Variants in BRD10 observed in about 807,000 individuals in gnomAD.
BRD10 encodes uncharacterized bromodomain-containing protein 10.
At chr9:5,896,314 C>G in the BRD10 span, among the ~76,000 whole-genome samples, 9 of 152,204 alleles carry the variant, frequency 5.9e-5, no homozygotes, top group Non-Finnish European at 1.3e-4. Context: ...GAATGGTAGT[C>G]ACTATGGTTA....
At chr9:5,929,035 T>G in the BRD10 span, 2 of 1,436,400 alleles carry the variant, frequency 1.4e-6, no homozygotes, top group African/African-American at 2.8e-5. Flanking sequence ...ATTATAACAT[T>G]AAAATTACCT....
At chr9:5,928,554 G>C in the BRD10 span, among the ~76,000 whole-genome samples, 1 of 152,042 alleles carries the variant, frequency 6.6e-6, no homozygotes, top group East Asian at 1.9e-4. Context: ...GGTTACACTT[G>C]CCTCTTTGCA....
At chr9:5,988,503 G>T in the BRD10 span, 124 of 1,613,668 alleles carry the variant, frequency 7.7e-5, no homozygotes, top group Admixed American at 1.2e-4. Context: ...ATCCATAATA[G>T]CCTCTAGATG....
chr9:5,963,815 C>T, the BRD10 span, among the ~76,000 whole-genome samples: 18 of 151,992 alleles, frequency 1.2e-4, no homozygotes, highest in South Asian at 2.1e-4. Context: ...AAGGATTCCC[C>T]ATTTAATAAA....
chr9:5,919,583 C>CACACACACACACACACAA, the BRD10 span: 11 of 1,025,390 alleles, frequency 1.1e-5, no homozygotes, highest in Non-Finnish European at 1.4e-5. Context: ...CACACACACA[C>CACACACACACACACACAA]AATGTATAGT....
chr9:5,882,723 C>T, the BRD10 span, among the ~76,000 whole-genome samples: 1 of 152,096 alleles, frequency 6.6e-6, no homozygotes, highest in African/African-American at 2.4e-5. Flanking sequence ...GGCGATTCCT[C>T]AAGGATCTAG....
At chr9:5,993,041 C>T in the BRD10 span, among the ~76,000 whole-genome samples, 7 of 152,182 alleles carry the variant, frequency 4.6e-5, no homozygotes, top group South Asian at 6.2e-4. Context: ...TGAAGCCAGG[C>T]GCAGTGGCTC....
the BRD10 span, chr9:5,923,093 T>C: frequency 6.2e-7 from 1 of 1,614,018 alleles, no homozygotes; most frequent in Non-Finnish European, 8.5e-7. Context: ...AATCTGCACA[T>C]CACTTTCTAG....
chr9:5,979,396 C>T, the BRD10 span, among the ~76,000 whole-genome samples: 2 of 151,962 alleles, frequency 1.3e-5, no homozygotes, highest in East Asian at 3.9e-4. Flanking sequence ...GCCTGTAATC[C>T]CAGCTACTTG....
At chr9:5,883,457 T>C in the BRD10 span, among the ~76,000 whole-genome samples, 9,459 of 114,644 alleles carry the variant, frequency 0.083, 399 homozygotes, top group South Asian at 0.17. Flanking sequence ...CTATTCCTTC[T>C]TCTTCTTTTT....
chr9:5,998,720 T>G, the BRD10 span, among the ~76,000 whole-genome samples: 1 of 152,212 alleles, frequency 6.6e-6, no homozygotes, highest in Admixed American at 6.5e-5. Flanking sequence ...CTATAATTTA[T>G]ATACTCTTCT....
chr9:5,917,080 C>T, the BRD10 span, among the ~76,000 whole-genome samples: 1 of 152,158 alleles, frequency 6.6e-6, no homozygotes, highest in Non-Finnish European at 1.5e-5. Context: ...ATTTGTCACC[C>T]ACCTACTCAA....
chr9:5,909,869 T>C, the BRD10 span: 3 of 152,338 alleles, frequency 2.0e-5, no homozygotes, highest in African/African-American at 4.8e-5. Flanking sequence ...TGTTTTCCTT[T>C]GGCTACATCA....
the BRD10 span, among the ~76,000 whole-genome samples, chr9:5,930,892 C>A: frequency 0.034 from 5,186 of 152,222 alleles, 237 homozygotes; most frequent in South Asian, 0.1. Flanking sequence ...CAGGAAGTAA[C>A]TTTCATCTAG....
At chr9:5,891,708 T>C in the BRD10 span, among the ~76,000 whole-genome samples, 1 of 152,134 alleles carries the variant, frequency 6.6e-6, no homozygotes, top group Non-Finnish European at 1.5e-5. Context: ...GTATGTGTTA[T>C]AGTTAGAAAA....
At chr9:5,891,594 G>GA in the BRD10 span, among the ~76,000 whole-genome samples, 1 of 152,102 alleles carries the variant, frequency 6.6e-6, no homozygotes, top group Non-Finnish European at 1.5e-5. Context: ...TAAGAGAGCA[G>GA]AAAAATACAC....
the BRD10 span, chr9:5,924,762 T>C: frequency 1.2e-6 from 2 of 1,606,434 alleles, no homozygotes; most frequent in South Asian, 2.2e-5. Context: ...TCCTTCACCT[T>C]CATCAGTGGT....
the BRD10 span, among the ~76,000 whole-genome samples, chr9:6,005,538 A>C: frequency 6.6e-6 from 1 of 152,210 alleles, no homozygotes; most frequent in Non-Finnish European, 1.5e-5. Context: ...TATTACACAC[A>C]GAGCTTTTGA....
At chr9:5,951,684 G>A in the BRD10 span, among the ~76,000 whole-genome samples, 602 of 152,224 alleles carry the variant, frequency 4.0e-3, 5 homozygotes, top group African/African-American at 0.014. Flanking sequence ...TCTTACATGT[G>A]GAAGACTCAA....
Sources: allele counts gnomAD v4.1 joint callset (sites outside exome capture counted in the v4.1 genomes callset), GRCh38; gene constraint gnomAD v4.1.1; transcripts MANE v1.5; gene names NCBI Gene and HGNC (gene_info 2026-07-23, HGNC 2026-07-21).